The following SMG5 variants were observed in gnomAD, a reference collection of about 807,000 sequenced individuals.
The protein encoded by SMG5 is nonsense-mediated mRNA decay factor SMG5.
A neutral mutation model predicts 122.9 loss-of-function variants in SMG5; 53 were observed. The ratio of observed to expected loss-of-function variants is 0.43; its 90% confidence interval spans 0.35 to 0.54. SMG5 has a LOEUF of 0.54. Among genes scored for constraint, SMG5 ranks in the 20% least tolerant of loss-of-function variants. The pLI, the probability that SMG5 is intolerant of heterozygous loss-of-function variation, is 0.01. For missense variants in SMG5, 1,153 were observed against 1,285.6 expected (o/e 0.90, Z 1.58); for synonymous variants, 477 against 490.2 (o/e 0.97, Z 0.35).
intron 4 of SMG5, 66 bp downstream of exon 4, chr1:156,277,019 T>G: frequency 6.5e-7 from 1 of 1,543,376 alleles, no homozygotes; most frequent in Non-Finnish European, 8.8e-7. Context: ...ACATGAACCC[T>G]GAGGGATAAG....
chr1:156,254,393 T>TGG, intron 16 of SMG5, among the ~76,000 whole-genome samples: 1 of 152,346 alleles, frequency 6.6e-6, no homozygotes, highest in South Asian at 2.1e-4. Context: ...AGGCTAAGGA[T>TGG]GGGGACTTTA....
In SMG5 at chr1:156,282,600, C is replaced by T. The variant is rs988657008; in HGVS notation, c.74+7G>A. 1 of 1,606,988 alleles carries T rather than the reference C, an allele frequency of 6.2e-7. No homozygotes were observed. ...GGTGGCTGCTCTCACGCCCTGGCCC[C>T]TCTCACCGGTAAAGCCGCTTAGTGT... On this transcript the variant is annotated splice_region_variant and intron_variant, in intron 1 of 21. Transcript: ENST00000361813.
chr1:156,287,450 A>G (rs1323825485), upstream of SMG5, among the ~76,000 whole-genome samples: 2 of 152,040 alleles, frequency 1.3e-5, no homozygotes, highest in East Asian at 1.9e-4. Context: ...TTAAAAAAAT[A>G]TAGAGATGAG....
rs752789817 is a variant in SMG5, at chr1:156,279,042, G to T, written c.75-8C>A. 1.9e-6 allele frequency: 3 copies of T among 1,610,548 alleles called. No individual in the cohort carries two copies. Among genetic ancestry groups the T allele is most frequent in the Admixed American group, 1.7e-5 (1 of 60,016 alleles). On this transcript the variant is annotated splice_region_variant and splice_polypyrimidine_tract_variant and intron_variant, in intron 1 of 21. Coordinates refer to ENST00000361813, the MANE Select transcript of SMG5 (RefSeq NM_015327.3). ...ACAGCCTCCACCACAGCCCTGTAGG[G>T]AAATACAGGCAAATATCCCCTCAGC...
chr1:156,285,186 T>C (rs751991886), upstream of SMG5: 41 of 1,513,542 alleles, frequency 2.7e-5, no homozygotes, highest in Admixed American at 8.9e-4. Flanking sequence ...CCCTGCAGGA[T>C]GACATGACCT....
In SMG5 at chr1:156,253,717, G is replaced by A. The variant is rs1051840201; in HGVS notation, c.2443-209C>T. ...CAACTTCCATTACCAACCCGATGCA[G>A]GTCATGATGTTCCAGGCCCTGCAGG... On this transcript the variant is annotated intron_variant, in intron 16 of 21. Coordinates refer to ENST00000361813, the MANE Select transcript of SMG5 (RefSeq NM_015327.3). The A allele has an allele frequency of 1.0e-5, 6 of 598,618 alleles. No homozygotes were observed. In the East Asian group the frequency reaches 1.5e-4, roughly 15 times the overall value. 37.1% of individuals were successfully genotyped at this position (598,618 alleles called of 1,614,324 possible).
upstream of SMG5, among the ~76,000 whole-genome samples, chr1:156,287,387 G>C (rs1373427776): frequency 6.6e-6 from 1 of 152,140 alleles, no homozygotes; most frequent in Non-Finnish European, 1.5e-5. Flanking sequence ...TTGCACTCCA[G>C]CCTGGGTGAC....
chr1:156,251,297 G>A (rs565321420), intron 20 of SMG5, 106 bp downstream of exon 20: 53 of 1,317,520 alleles, frequency 4.0e-5, no homozygotes, highest in Admixed American at 1.0e-4. Context: ...GGCAGGCTAC[G>A]TGTGGAGCCT....
At chr1:156,289,940 T>G in the SMG5 span, 1 of 152,194 alleles carries the variant, frequency 6.6e-6, no homozygotes, top group Non-Finnish European at 1.5e-5. Context: ...CCCCTCAAAT[T>G]GGCAGAAGGG....
intron 7 of SMG5, 139 bp from the exon 8 acceptor site, chr1:156,268,554 G>C: frequency 9.4e-7 from 1 of 1,058,360 alleles, no homozygotes; most frequent in Non-Finnish European, 1.4e-6. Flanking sequence ...AGGGTAAAAG[G>C]CTCATGAGCT....
chr1:156,270,827 G>C (rs1242313677), intron 7 of SMG5, among the ~76,000 whole-genome samples: 1 of 152,138 alleles, frequency 6.6e-6, no homozygotes, highest in East Asian at 1.9e-4. Flanking sequence ...GAGCAACATG[G>C]AGAAACCCGG....
At chr1:156,286,051 G>T (rs1663150606), upstream of SMG5, 1 of 1,539,214 alleles carries the variant, frequency 6.5e-7, no homozygotes, top group African/African-American at 1.4e-5. Flanking sequence ...GGCTGGTGTG[G>T]GGAGCAGGAG....
chr1:156,269,239 G>A (rs905904770), intron 7 of SMG5, among the ~76,000 whole-genome samples: 1 of 151,888 alleles, frequency 6.6e-6, no homozygotes, highest in Non-Finnish European at 1.5e-5. Context: ...CAAAGTGCTG[G>A]GATTATAGGC....
Position 156,266,190 on chromosome 1 carries a change from T to G in SMG5, c.1446A>C (p.Ser482=). The G allele has an allele frequency of 6.2e-7, 1 of 1,614,224 alleles. No homozygotes were observed. The highest frequency in any genetic ancestry group is 1.7e-5 in the Admixed American group (1 of 60,024). The change falls in exon 12 of 22, where the codon TCA becomes TCC. Residue 482 remains serine, a synonymous_variant. Coordinates refer to ENST00000361813, the MANE Select transcript of SMG5 (RefSeq NM_015327.3). ...CACTGGCCCGGGCTGAGTCATGGCTTGAGTCCGATTCAAAGCCTTCACTCA... is the reference window on the plus strand; with the variant it reads ...CACTGGCCCGGGCTGAGTCATGGCTGGAGTCCGATTCAAAGCCTTCACTCA... The part of the protein sequence containing the change: ...SDLSEGFESD[S]SHDSARASEG...
At position 156,260,482 on chromosome 1, in the gene SMG5, G is replaced by A. The variant is rs377730459; in HGVS notation, c.2252C>T (p.Thr751Met). The change falls in exon 15 of 22, where the codon ACG becomes ATG. Residue 751 changes from threonine to methionine, a missense_variant. Transcript: ENST00000361813. Reference protein sequence around the residue: ...RAAHRRFNFDTDRPLLSTLEE... With the variant: ...RAAHRRFNFDMDRPLLSTLEE... The stretch of plus-strand genomic sequence containing the variant: ...TAAGGTGCTGAGCAGGGGCCGATCC[G>A]TGTCAAAGTTAAAGCGTCTGTGGGC... 60 of 1,594,498 alleles carry A rather than the reference G, an allele frequency of 3.8e-5. No individual in the cohort carries two copies. The highest frequency in any genetic ancestry group is 6.8e-5 in the African/African-American group (5 of 73,328).
chr1:156,262,845 A>T (rs372920507), intron 13 of SMG5, among the ~76,000 whole-genome samples: 1 of 152,082 alleles, frequency 6.6e-6, no homozygotes, highest in African/African-American at 2.4e-5. Context: ...CATTGAATAA[A>T]TGCCTCTGGG....
rs142892505 is a variant in SMG5 at position 156,275,674 on chromosome 1, A to G, written c.455-988T>C. Among the ~76,000 whole-genome samples the G allele has an allele frequency of 7.2e-5, 11 of 152,336 alleles. 1 individual carries two copies. Among genetic ancestry groups the G allele is most frequent in the African/African-American group, 2.2e-4 (9 of 41,576 alleles). On this transcript the variant is annotated intron_variant, in intron 4 of 21. Transcript: ENST00000361813. Reference sequence around the variant, plus strand: ...TCTCAGTTGGCTGAATGGAGAAAACATCAGTGAACATAAAAACTAAAGTGG... The same window carrying G: ...TCTCAGTTGGCTGAATGGAGAAAACGTCAGTGAACATAAAAACTAAAGTGG...
In SMG5 at chr1:156,272,341, G is replaced by A; in HGVS notation, c.692C>T (p.Ala231Val). The change falls in exon 7 of 22, where the codon GCC (alanine) becomes GTC (valine). Residue 231 changes from alanine (A) to valine (V), a missense_variant. By Grantham distance (64) the Ala-to-Val change is moderately conservative. This residue lies in a region of SMG5 where 85 missense variants were observed against 127.3 expected (regional missense o/e 0.67). Coordinates refer to ENST00000361813, the MANE Select transcript of SMG5 (RefSeq NM_015327.3). ...LAGSKYYNVEAMYCYLRCIQS... is the reference protein window; with the variant it reads ...LAGSKYYNVEVMYCYLRCIQS... ...TCACCAGCGCAGGTAGCAATACATG[G>A]CTTCCACATTATAGTACTTGCTGCC... The A allele has an allele frequency of 6.3e-7, 1 of 1,599,500 alleles. No individual in the cohort carries two copies. The highest frequency in any genetic ancestry group is 1.1e-5 in the South Asian group (1 of 88,946).
intron 7 of SMG5, among the ~76,000 whole-genome samples, chr1:156,271,243 A>G (rs1662404228): frequency 6.6e-6 from 1 of 152,214 alleles, no homozygotes; most frequent in East Asian, 1.9e-4. Context: ...TCATTATTTT[A>G]TACTTTATTA....
Sources: gnomAD v4.1 joint callset for allele counts (sites outside exome capture counted in the v4.1 genomes callset) on GRCh38, gnomAD v4.1.1 for gene constraint, gnomAD v4.1.1 regional missense constraint, MANE v1.5 for transcripts, NCBI Gene and HGNC (gene_info 2026-07-23, HGNC 2026-07-21) for gene names.